Variants in SLC8A3 observed in about 807,000 individuals in gnomAD.
SLC8A3 encodes solute carrier family 8 member A3.
In SLC8A3, 37 loss-of-function variants were observed where a neutral mutation model predicts 65.4. That is an observed-to-expected ratio of 0.57 (90% CI 0.44 to 0.74). The LOEUF (loss-of-function observed/expected upper bound fraction) is 0.74, where lower values mean the gene tolerates loss of function less well. Ranked by LOEUF, SLC8A3 falls within the 30% of genes least tolerant of loss-of-function variation. The probability of loss-of-function intolerance (pLI) is 0.00; values close to 1 mark genes in which losing one functional copy is unlikely to be tolerated. For missense variants in SLC8A3, 1,112 were observed against 1,172.1 expected, an observed-to-expected ratio of 0.95 and a Z score of 0.75; for synonymous variants, 461 against 444.5, an observed-to-expected ratio of 1.04 and a Z score of -0.47.
intron 2 of SLC8A3, among the ~76,000 whole-genome samples, chr14:70,116,273 A>C (rs1893651356): frequency 6.6e-6 from 1 of 152,026 alleles, no homozygotes; most frequent in Admixed American, 6.5e-5. Context: ...GGAACCAGAT[A>C]CTACACATAT....
At position 70,082,089 on chromosome 14, in the gene SLC8A3, A is replaced by C. The variant is rs892727129; in HGVS notation, c.1785-21150T>G. Reference sequence around the variant, plus strand: ...CCATGAGGAATCTGAAGCTATTAGAAGTCAGGTAACTTTGTCCAAGGTCAC... The same window carrying C: ...CCATGAGGAATCTGAAGCTATTAGACGTCAGGTAACTTTGTCCAAGGTCAC... On this transcript the variant is annotated intron_variant, in intron 2 of 6. Coordinates refer to ENST00000356921, the MANE Select transcript of SLC8A3 (RefSeq NM_182932.3). Among the ~76,000 whole-genome samples the C allele has an allele frequency of 5.3e-5, 8 of 152,216 alleles. 1 individual carries two copies. Among genetic ancestry groups the C allele is most frequent in the Non-Finnish European group, 1.2e-4 (8 of 68,034 alleles).
At chr14:70,132,870 TCTTC>T (rs1894939525) in intron 2 of SLC8A3, among the ~76,000 whole-genome samples, 1 of 151,964 alleles carries the variant, frequency 6.6e-6, no homozygotes, top group South Asian at 2.1e-4. Flanking sequence ...CAGAAGGAGA[TCTTC>T]AAATCTGTTT....
intron 2 of SLC8A3, among the ~76,000 whole-genome samples, chr14:70,074,059 GACTACACTA>G (rs1890256875): frequency 6.6e-6 from 1 of 152,186 alleles, no homozygotes; most frequent in Non-Finnish European, 1.5e-5. Flanking sequence ...ACCCATCAGG[GACTACACTA>G]AAGCAAAGCT....
At chr14:70,100,501 G>C (rs542434980) in intron 2 of SLC8A3, among the ~76,000 whole-genome samples, 6 of 152,300 alleles carry the variant, frequency 3.9e-5, no homozygotes, top group African/African-American at 1.4e-4. Flanking sequence ...GCAATAAGAA[G>C]GTTCAAGCAA....
At chr14:70,113,239 C>T (rs905699816) in intron 2 of SLC8A3, among the ~76,000 whole-genome samples, 3 of 152,192 alleles carry the variant, frequency 2.0e-5, no homozygotes, top group Non-Finnish European at 4.4e-5. Context: ...GCCTACTACA[C>T]ACCTAGGCTG....
At chr14:70,059,647 C>T (rs749748726) in intron 3 of SLC8A3, among the ~76,000 whole-genome samples, 19 of 152,142 alleles carry the variant, frequency 1.2e-4, no homozygotes, top group Non-Finnish European at 2.4e-4. Flanking sequence ...TTCTCAGATG[C>T]AGGTCCTGAG....
chr14:70,165,484 C>A lies in SLC8A3; in HGVS notation c.1784+1155G>T, dbSNP rs189260449. The stretch of plus-strand genomic sequence containing the variant: ...TCTTGAAACAGACACCCCACACACA[C>A]AACTTCCTATATGCTCCTTTTACTC... On this transcript the variant is annotated intron_variant, in intron 2 of 6. Coordinates refer to ENST00000356921, the MANE Select transcript of SLC8A3 (RefSeq NM_182932.3). Among the ~76,000 whole-genome samples the A allele has an allele frequency of 4.8e-4, 73 of 152,326 alleles. No homozygotes were observed. The East Asian group carries it at 7.3e-3, about 15-fold the overall frequency.
intron 2 of SLC8A3, among the ~76,000 whole-genome samples, chr14:70,146,816 G>A (rs539928864): frequency 5.9e-5 from 9 of 152,292 alleles, no homozygotes; most frequent in African/African-American, 2.2e-4. Context: ...TGAATCCTAA[G>A]TGCAAGAAGG....
At chr14:70,089,603 C>CT (rs1891679569) in intron 2 of SLC8A3, among the ~76,000 whole-genome samples, 1 of 152,120 alleles carries the variant, frequency 6.6e-6, no homozygotes, top group Non-Finnish European at 1.5e-5. Flanking sequence ...TGGAGAATGA[C>CT]TAGATATGAG....
At chr14:70,164,112 C>T (rs561323572) in intron 2 of SLC8A3, among the ~76,000 whole-genome samples, 80 of 152,238 alleles carry the variant, frequency 5.3e-4, no homozygotes, top group African/African-American at 1.8e-3. Context: ...ACCAGGTACA[C>T]CGCATACAAT....
At chr14:70,099,469 T>C (rs1284182560) in intron 2 of SLC8A3, among the ~76,000 whole-genome samples, 1 of 152,226 alleles carries the variant, frequency 6.6e-6, no homozygotes, top group Admixed American at 6.5e-5. Context: ...GCATAATGAC[T>C]GTAAAGAATT....
In SLC8A3 at chr14:70,166,780, A is replaced by G. The variant is rs1000244647; in HGVS notation, c.1643T>C (p.Met548Thr). 6.2e-6 allele frequency: 10 copies of G among 1,614,006 alleles called. No individual in the cohort carries two copies. Among genetic ancestry groups the G allele is most frequent in the Non-Finnish European group, 8.5e-6 (10 of 1,179,970 alleles). Reference protein sequence around the residue: ...TIHVSESIGVMEVKVLRTSGA... With the variant: ...TIHVSESIGVTEVKVLRTSGA... ...TGATGTCCGCAGAACCTTGACCTCC[A>G]TAACACCAATACTCTCACTGACATG... The change falls in exon 2 of 7, where the codon ATG becomes ACG. Residue 548 changes from methionine (M) to threonine (T), a missense_variant. Transcript: ENST00000356921.
chr14:70,141,976 G>T (rs1275449478), intron 2 of SLC8A3, among the ~76,000 whole-genome samples: 1 of 150,910 alleles, frequency 6.6e-6, no homozygotes, highest in Non-Finnish European at 1.5e-5. Flanking sequence ...GACTCCAATG[G>T]CCTCCCTCTC....
At chr14:70,082,496 T>C (rs1238351987) in intron 2 of SLC8A3, among the ~76,000 whole-genome samples, 1 of 152,220 alleles carries the variant, frequency 6.6e-6, no homozygotes, top group Non-Finnish European at 1.5e-5. Flanking sequence ...ATATTTATTA[T>C]GTAAGCCCTG....
At chr14:70,110,972 G>A (rs961713416) in intron 2 of SLC8A3, among the ~76,000 whole-genome samples, 2 of 152,180 alleles carry the variant, frequency 1.3e-5, no homozygotes, top group South Asian at 2.1e-4. Context: ...GAGCCACCGC[G>A]CCCGGCTGCA....
At chr14:70,173,828 G>C (rs978000443) in intron 1 of SLC8A3, among the ~76,000 whole-genome samples, 1 of 152,176 alleles carries the variant, frequency 6.6e-6, no homozygotes, top group Non-Finnish European at 1.5e-5. Context: ...AATACTCCTC[G>C]AGAGACACAG....
In SLC8A3 at chr14:70,045,201, C is replaced by A. The variant is rs764362210; in HGVS notation, c.*746G>T. The A allele has an allele frequency of 2.0e-5, 3 of 152,156 alleles. No individual in the cohort carries two copies. The highest frequency in any genetic ancestry group is 2.9e-5 in the Non-Finnish European group (2 of 68,036). 9.4% of individuals were successfully genotyped at this position (152,156 alleles called of 1,614,324 possible). On this transcript the variant is annotated 3_prime_UTR_variant, in exon 7 of 7. Transcript: ENST00000356921. ...GCTCCAGTTGAAGCTCCTGTAAGATCTTTAGTACCCTGCGTGGGTGAGTGA... is the reference window on the plus strand; with the variant it reads ...GCTCCAGTTGAAGCTCCTGTAAGATATTTAGTACCCTGCGTGGGTGAGTGA...
chr14:70,144,833 G>A (rs150945076), intron 2 of SLC8A3, among the ~76,000 whole-genome samples: 15 of 152,182 alleles, frequency 9.9e-5, no homozygotes, highest in Middle Eastern at 3.4e-3. Context: ...ATAGGTTTAT[G>A]TTTCACTTTC....
intron 2 of SLC8A3, among the ~76,000 whole-genome samples, chr14:70,123,537 C>G (rs953541962): frequency 1.3e-5 from 2 of 151,460 alleles, no homozygotes; most frequent in African/African-American, 4.9e-5. Context: ...GCAACCTCCA[C>G]CTCCTGGGTT....
Sources: allele counts gnomAD v4.1 joint callset (sites outside exome capture counted in the v4.1 genomes callset), GRCh38; gene constraint gnomAD v4.1.1; transcripts MANE v1.5; gene names NCBI Gene and HGNC (gene_info 2026-07-23, HGNC 2026-07-21).